The following AKR1A1 variants were observed in gnomAD, a reference collection of about 807,000 sequenced individuals.
The protein encoded by AKR1A1 is aldo-keto reductase family 1 member A1, also known as HEL-S-165mP.
A neutral mutation model predicts 39.2 loss-of-function variants in AKR1A1; 26 were observed. That is an observed-to-expected ratio of 0.66 (90% confidence interval 0.49 to 0.92). The LOEUF is 0.92. Among genes scored for constraint, AKR1A1 ranks in the 40% least tolerant of loss-of-function variants. The pLI, the probability that AKR1A1 is intolerant of heterozygous loss-of-function variation, is 0.00. For missense variants in AKR1A1, 378 were observed against 406.5 expected, an observed-to-expected ratio of 0.93 and a Z score of 0.60; for synonymous variants, 141 against 155.5, an observed-to-expected ratio of 0.91 and a Z score of 0.69.
intron 4 of AKR1A1, 146 bp downstream of exon 4, chr1:45,567,166 T>G: frequency 1.8e-6 from 2 of 1,112,294 alleles, no homozygotes; most frequent in African/African-American, 1.6e-5. Flanking sequence ...TCTTAGCCTC[T>G]TCTGCTACAG....
At chr1:45,559,000 A>G (rs1318472879) in intron 1 of AKR1A1, among the ~76,000 whole-genome samples, 1 of 152,214 alleles carries the variant, frequency 6.6e-6, no homozygotes, top group East Asian at 1.9e-4. Context: ...TGGTGTGAAC[A>G]TTCTCTCTCC....
At chr1:45,553,869 C>T (rs1644165871) in intron 1 of AKR1A1, among the ~76,000 whole-genome samples, 1 of 152,002 alleles carries the variant, frequency 6.6e-6, no homozygotes. Context: ...GTAGCGGGCA[C>T]CTGTAGTCCC....
intron 1 of AKR1A1, among the ~76,000 whole-genome samples, chr1:45,558,231 A>G (rs1644231990): frequency 6.9e-6 from 1 of 145,936 alleles, no homozygotes; most frequent in African/African-American, 2.5e-5. Flanking sequence ...TTGTCTTATT[A>G]TTATTATTAT....
intron 6 of AKR1A1, 74 bp downstream of exon 6, chr1:45,568,758 G>C: frequency 6.3e-7 from 1 of 1,576,998 alleles, no homozygotes; most frequent in Non-Finnish European, 8.7e-7. Context: ...TCAGTGTCTG[G>C]GTGAGGCTGA....
chr1:45,567,383 C>A, intron 4 of AKR1A1: 1 of 202,424 alleles, frequency 4.9e-6, no homozygotes, highest in East Asian at 1.3e-4. Context: ...GTGCCGTGCC[C>A]TGTGCTGGAA....
chr1:45,557,910 G>GTTTTTTTTTT (rs1285024512), intron 1 of AKR1A1, among the ~76,000 whole-genome samples: 2 of 64,232 alleles, frequency 3.1e-5, no homozygotes, highest in African/African-American at 7.1e-5. Context: ...CTCACAACTT[G>GTTTTTTTTTT]TCTTTTTTTT....
At chr1:45,563,146 A>G (rs1239248434) in intron 2 of AKR1A1, among the ~76,000 whole-genome samples, 4 of 151,904 alleles carry the variant, frequency 2.6e-5, no homozygotes, top group African/African-American at 7.3e-5. Context: ...TCACGCCTAT[A>G]ATCCCAGCAC....
chr1:45,567,500 A>G (rs1308064308), intron 4 of AKR1A1: 1 of 160,610 alleles, frequency 6.2e-6, no homozygotes, highest in East Asian at 1.8e-4. Context: ...TGTAAACTTA[A>G]CACCTGGGTT....
intron 1 of AKR1A1, among the ~76,000 whole-genome samples, chr1:45,560,935 G>C (rs966024811): frequency 3.3e-5 from 5 of 152,118 alleles, no homozygotes; most frequent in Non-Finnish European, 7.3e-5. Flanking sequence ...CACTGAGTTA[G>C]CCAGGATGGT....
intron 1 of AKR1A1, among the ~76,000 whole-genome samples, chr1:45,560,895 T>C (rs955887391): frequency 1.3e-5 from 2 of 151,976 alleles, no homozygotes. Context: ...GCCTGGCTAA[T>C]TTTTTGTATT....
chr1:45,562,923 C>T (rs1308462215), intron 2 of AKR1A1, among the ~76,000 whole-genome samples: 4 of 151,344 alleles, frequency 2.6e-5, no homozygotes, highest in African/African-American at 9.7e-5. Context: ...AATTTGAGAC[C>T]AGACTGGGCA....
chr1:45,557,941 A>C, intron 1 of AKR1A1, among the ~76,000 whole-genome samples: 2 of 101,394 alleles, frequency 2.0e-5, no homozygotes, highest in East Asian at 3.3e-4. Flanking sequence ...ATGGAGCCTC[A>C]CTCTGTATCC....
At chr1:45,553,115 ACT>A (rs918038905) in intron 1 of AKR1A1, among the ~76,000 whole-genome samples, 7 of 145,778 alleles carry the variant, frequency 4.8e-5, no homozygotes, top group African/African-American at 1.8e-4. Flanking sequence ...ACAGAGTGAG[ACT>A]CTGTCTCAAA....
At chr1:45,552,225 A>T (rs975267293) in intron 1 of AKR1A1, among the ~76,000 whole-genome samples, 3 of 151,858 alleles carry the variant, frequency 2.0e-5, no homozygotes, top group Admixed American at 1.3e-4. Flanking sequence ...TCTTTTGCCC[A>T]TGCTGGAGTG....
rs779538094 is a variant in AKR1A1, at chr1:45,566,878, C to T, written c.214C>T (p.Arg72Trp). The change falls in exon 4 of 9, where the codon CGG becomes TGG. Residue 72 changes from arginine (R) to tryptophan (W), a missense_variant. Transcript: ENST00000351829. ...CTGCCCCCTGCACTAGGCGGTGCCT[C>T]GGGAGGAGCTGTTTGTGACATCCAA... The part of the protein sequence containing the change: ...EDVGPGKAVP[R>W]EELFVTSKLW... 38 of 1,613,772 alleles carry T rather than the reference C, an allele frequency of 2.4e-5. No homozygotes were observed. The highest frequency in any genetic ancestry group is 8.0e-5 in the African/African-American group (6 of 74,924).
At position 45,564,255 on chromosome 1, in the gene AKR1A1, A is replaced by G. The variant is rs3811433; in HGVS notation, c.85-2314A>G. 3.8e-3 allele frequency among the ~76,000 whole-genome samples: 577 copies of G among 152,226 alleles called. 8 individuals carry two copies. The highest frequency in any genetic ancestry group is 0.035 in the East Asian group (182 of 5,180). On this transcript the variant is annotated intron_variant, in intron 2 of 8. Coordinates refer to ENST00000351829, the MANE Select transcript of AKR1A1 (RefSeq NM_153326.3). Reference sequence around the variant, plus strand: ...AAGTCCAGGAGCTAGGTCAAGGCAGAGGGTTGGGGGCCACAGACAAGGCCA... The same window carrying G: ...AAGTCCAGGAGCTAGGTCAAGGCAGGGGGTTGGGGGCCACAGACAAGGCCA...
At chr1:45,554,355 G>C (rs552368616) in intron 1 of AKR1A1, among the ~76,000 whole-genome samples, 1 of 151,964 alleles carries the variant, frequency 6.6e-6, no homozygotes, top group African/African-American at 2.4e-5. Context: ...TTGAGCTTGG[G>C]AGGTGGAGTT....
At chr1:45,555,336 A>T (rs553252806) in intron 1 of AKR1A1, among the ~76,000 whole-genome samples, 110 of 152,202 alleles carry the variant, frequency 7.2e-4, no homozygotes, top group African/African-American at 2.5e-3. Context: ...AAAAATACAA[A>T]ATTAGCCAGG....
intron 1 of AKR1A1, among the ~76,000 whole-genome samples, chr1:45,559,275 C>T (rs1644247493): frequency 6.6e-6 from 1 of 152,188 alleles, no homozygotes. Flanking sequence ...ATTCAATTTA[C>T]TGACAAAACG....
Sources: gnomAD v4.1 joint callset for allele counts (sites outside exome capture counted in the v4.1 genomes callset) on GRCh38, gnomAD v4.1.1 for gene constraint, MANE v1.5 for transcripts, NCBI Gene and HGNC (gene_info 2026-07-23, HGNC 2026-07-21) for gene names.